Variants in CWC22 observed in about 807,000 individuals in gnomAD.
CWC22 encodes the protein CWC22 spliceosome associated protein.
Under a neutral mutation model 117.2 loss-of-function variants are expected in CWC22, and 53 were observed. The ratio of observed to expected loss-of-function variants is 0.45; its 90% confidence interval spans 0.36 to 0.57. The LOEUF (loss-of-function observed/expected upper bound fraction) is 0.57. Ranked by LOEUF, CWC22 falls within the 20% of genes least tolerant of loss-of-function variation. The pLI is 0.00. For synonymous variants in CWC22, 360 were observed against 355.6 expected, an observed-to-expected ratio of 1.01 and a Z score of -0.14; for missense variants, 980 against 1,068.8, an observed-to-expected ratio of 0.92 and a Z score of 1.16.
intron 11 of CWC22, among the ~76,000 whole-genome samples, chr2:179,969,242 GA>G (rs1488859625): frequency 6.6e-6 from 1 of 152,130 alleles, no homozygotes; most frequent in Non-Finnish European, 1.5e-5. Context: ...GAGACTGTAG[GA>G]AAAGAGGTTC....
At chr2:179,951,184 TATAG>T (rs1260977876) in intron 17 of CWC22, among the ~76,000 whole-genome samples, 1 of 151,872 alleles carries the variant, frequency 6.6e-6, no homozygotes, top group Non-Finnish European at 1.5e-5. Flanking sequence ...CACACACACA[TATAG>T]AAAGATAAAT....
At chr2:179,968,415 C>T (rs1432732963) in intron 11 of CWC22, among the ~76,000 whole-genome samples, 1 of 152,062 alleles carries the variant, frequency 6.6e-6, no homozygotes, top group Non-Finnish European at 1.5e-5. Context: ...AAACAACCTA[C>T]TGCAATAGAT....
chr2:179,996,498 A>T (rs903046677), intron 1 of CWC22, among the ~76,000 whole-genome samples: 1 of 152,196 alleles, frequency 6.6e-6, no homozygotes, highest in Non-Finnish European at 1.5e-5. Context: ...AGAAAAAAAC[A>T]ACATATTATA....
intron 11 of CWC22, among the ~76,000 whole-genome samples, chr2:179,969,912 G>GT (rs1686988982): frequency 6.6e-6 from 1 of 152,062 alleles, no homozygotes; most frequent in East Asian, 1.9e-4. Context: ...CCATAGAAAG[G>GT]TAACATTTAG....
chr2:179,950,076 A>T (rs1216186504), intron 19 of CWC22, among the ~76,000 whole-genome samples: 1 of 152,198 alleles, frequency 6.6e-6, no homozygotes. Context: ...GCTAGCTATG[A>T]GGATGTGTTC....
chr2:180,006,572 A>G (rs1687980870), intron 1 of CWC22, among the ~76,000 whole-genome samples: 3 of 152,320 alleles, frequency 2.0e-5, no homozygotes, highest in African/African-American at 7.2e-5. Context: ...ATTTAAAACA[A>G]ATAGTCAAAG....
intron 1 of CWC22, among the ~76,000 whole-genome samples, chr2:180,006,605 A>C (rs1250117566): frequency 1.3e-5 from 2 of 152,246 alleles, no homozygotes; most frequent in African/African-American, 4.8e-5. Flanking sequence ...GGCAAGAGGC[A>C]TAAGAGTGCA....
At chr2:179,956,817 A>G (rs1430877919) in intron 14 of CWC22, among the ~76,000 whole-genome samples, 3 of 151,886 alleles carry the variant, frequency 2.0e-5, no homozygotes, top group African/African-American at 4.8e-5. Context: ...ATTTTATAAT[A>G]TAACAGTTAA....
At position 179,991,925 on chromosome 2, in the gene CWC22, T is replaced by A. The variant is rs567892886; in HGVS notation, c.27+1390A>T. Among the ~76,000 whole-genome samples, 311 of 152,342 alleles carry A rather than the reference T, an allele frequency of 2.0e-3. 2 individuals carry two copies. The highest frequency in any genetic ancestry group is 7.0e-3 in the African/African-American group (291 of 41,572). ...GAGATATGCAAGCAAAGGCTGGATGTCTACTTAAAAGGGAGGTGGGTGAGT... is the reference window on the plus strand; with the variant it reads ...GAGATATGCAAGCAAAGGCTGGATGACTACTTAAAAGGGAGGTGGGTGAGT... On this transcript the variant is annotated intron_variant, in intron 2 of 19. Transcript: ENST00000410053.
chr2:179,977,382 C>T (rs925941961), intron 6 of CWC22, among the ~76,000 whole-genome samples: 1 of 152,114 alleles, frequency 6.6e-6, no homozygotes, highest in Non-Finnish European at 1.5e-5. Context: ...TAATGGAATA[C>T]TATTCAACCA....
intron 14 of CWC22, among the ~76,000 whole-genome samples, chr2:179,957,464 T>G (rs1686624852): frequency 6.6e-6 from 1 of 152,216 alleles, no homozygotes; most frequent in South Asian, 2.1e-4. Flanking sequence ...CTACTTATTC[T>G]GCGGCTGTGG....
chr2:179,955,020 G>A lies in CWC22; in HGVS notation c.1473C>T (p.Asn491=). 2 of 1,598,166 alleles carry A rather than the reference G, an allele frequency of 1.3e-6. No individual in the cohort carries two copies. Among genetic ancestry groups the A allele is most frequent in the Non-Finnish European group, 1.7e-6 (2 of 1,171,258 alleles). ...GTTGGGCACAGCAATCAAGTATCAT[G>A]TTGCAGAGTTCTTTCTATTTGGGAA... ...FPESQTKELC[N]MILDCCAQQR... is the part of the protein sequence containing the mutation. Residue 491 remains asparagine, a synonymous_variant, in exon 15 of 20, where the codon AAC becomes AAT. Transcript: ENST00000410053.
intron 6 of CWC22, among the ~76,000 whole-genome samples, chr2:179,977,441 T>C (rs1687179271): frequency 6.6e-6 from 1 of 152,166 alleles, no homozygotes; most frequent in African/African-American, 2.4e-5. Context: ...TTGGAGAACA[T>C]TATGCTAAGT....
At position 179,945,160 on chromosome 2, in the gene CWC22, C is replaced by T. The variant is rs573098807; in HGVS notation, c.2696G>A (p.Arg899Gln). 5.2e-5 allele frequency: 83 copies of T among 1,604,050 alleles called. No individual in the cohort carries two copies. In the East Asian group the frequency reaches 9.4e-4, roughly 18 times the overall value. ...TTGTTTTGCTGGAGACTTTTCTCTT[C>T]GCCGGTCCTGATTTTTCTTTGATTC... ...SRESKKNQDR[R>Q]REKSPAKQK Residue 899 changes from arginine (R) to glutamine (Q), a missense_variant, in exon 20 of 20, where the codon CGA becomes CAA. This residue lies in a region of CWC22 where 306 missense variants were observed against 296.8 expected (regional missense o/e 1.03). Coordinates refer to ENST00000410053, the MANE Select transcript of CWC22 (RefSeq NM_020943.3).
Position 179,981,760 on chromosome 2 carries a change from A to T in CWC22, c.444T>A (p.Asp148Glu), listed in dbSNP as rs773322001. The T allele has an allele frequency of 5.0e-5, 80 of 1,612,956 alleles. No homozygotes were observed. The highest frequency in any genetic ancestry group is 6.7e-5 in the Non-Finnish European group (79 of 1,179,294). Residue 148 changes from aspartate (D) to glutamate (E), a missense_variant, in exon 5 of 20, where the codon GAT (aspartate) becomes GAA (glutamate). Transcript: ENST00000410053. ...GATTGATATAAACATGCCTGTTTTT[A>T]TCTGTAATCTGTTCCTGCATCATCC... ...KLRMMQEQIT[D>E]KNSLAYQRMS...
chr2:179,990,666 A>T (rs1344906178), intron 2 of CWC22, among the ~76,000 whole-genome samples: 1 of 152,170 alleles, frequency 6.6e-6, no homozygotes. Flanking sequence ...TACAAGGCAA[A>T]GAAAGTTATT....
intron 1 of CWC22, among the ~76,000 whole-genome samples, 170 bp downstream of exon 1, chr2:180,006,697 C>T (rs969301972): frequency 1.3e-5 from 2 of 152,224 alleles, no homozygotes; most frequent in African/African-American, 4.8e-5. Context: ...AGGAAAGGGG[C>T]TTTGGCAAGC....
At chr2:179,952,381 G>C (rs1457692776) in intron 17 of CWC22, 90 bp downstream of exon 17, 2 of 897,614 alleles carry the variant, frequency 2.2e-6, no homozygotes, top group Non-Finnish European at 1.5e-6. Flanking sequence ...CTTAGCTCTT[G>C]TTTTTACAGT....
intron 19 of CWC22, among the ~76,000 whole-genome samples, chr2:179,945,979 T>TTTG (rs1342102909): frequency 6.6e-6 from 1 of 152,038 alleles, no homozygotes; most frequent in Non-Finnish European, 1.5e-5. Context: ...GCCTCCTGGG[T>TTTG]TCAAGTGATT....
Sources: allele counts gnomAD v4.1 joint callset (sites outside exome capture counted in the v4.1 genomes callset), GRCh38; gene constraint gnomAD v4.1.1; regional missense constraint gnomAD v4.1.1; transcripts MANE v1.5; gene names NCBI Gene and HGNC (gene_info 2026-07-23, HGNC 2026-07-21).